CPQ: variants seen among roughly 807,000 people sequenced by gnomAD.
CPQ encodes the protein carboxypeptidase Q.
In CPQ, 37 loss-of-function variants were observed where a neutral mutation model predicts 45.7. That is an observed-to-expected ratio of 0.81 (90% confidence interval 0.62 to 1.07). CPQ has a LOEUF of 1.07. Ranked by LOEUF, CPQ falls within the 50% of genes least tolerant of loss-of-function variation. CPQ has a pLI of 0.00. For synonymous variants in CPQ, 186 were observed against 205.8 expected (o/e 0.90, Z 0.82); for missense variants, 537 against 572.9 (o/e 0.94, Z 0.64).
intron 1 of CPQ, among the ~76,000 whole-genome samples, chr8:96,676,595 G>A: frequency 6.6e-6 from 1 of 152,014 alleles, no homozygotes; most frequent in Admixed American, 6.6e-5. Flanking sequence ...CTTGGTTATT[G>A]TGAATAGTGC....
rs377209016 is a variant in CPQ at position 97,034,766 on chromosome 8, CTGTT to C, written c.1053+5273_1053+5276del. Among the ~76,000 whole-genome samples, 676 of 152,268 alleles carry C rather than the reference CTGTT, an allele frequency of 4.4e-3. 6 individuals are homozygous for C. Among genetic ancestry groups the C allele is most frequent in the African/African-American group, 0.016 (650 of 41,540 alleles). ...CTTTGTAACTCCAGATTGGTTATGTCTGTTCTTAAACTTCATATAAATGGAACCA... is the reference window on the plus strand; with the variant it reads ...CTTTGTAACTCCAGATTGGTTATGTCCTTAAACTTCATATAAATGGAACCA... On this transcript the variant is annotated intron_variant, in intron 6 of 7. Coordinates refer to ENST00000220763, the MANE Select transcript of CPQ (RefSeq NM_016134.4).
intron 1 of CPQ, among the ~76,000 whole-genome samples, chr8:96,664,306 A>G (rs1808890576): frequency 6.6e-6 from 1 of 152,220 alleles, no homozygotes. Context: ...GAATGACTCT[A>G]TAGGTAAAGG....
intron 7 of CPQ, among the ~76,000 whole-genome samples, chr8:97,083,831 A>G (rs1320232429): frequency 6.6e-6 from 1 of 152,168 alleles, no homozygotes; most frequent in African/African-American, 2.4e-5. Flanking sequence ...CTCATCCCTA[A>G]TGGTGATGTG....
chr8:96,892,077 A>G (rs1056925348), intron 4 of CPQ, among the ~76,000 whole-genome samples: 1 of 152,192 alleles, frequency 6.6e-6, no homozygotes, highest in East Asian at 1.9e-4. Flanking sequence ...TTCATTTGCT[A>G]ATGAATCCTG....
At chr8:96,985,339 T>C (rs972454029) in intron 5 of CPQ, among the ~76,000 whole-genome samples, 2 of 152,162 alleles carry the variant, frequency 1.3e-5, no homozygotes, top group African/African-American at 4.8e-5. Flanking sequence ...CATTCTATTC[T>C]GTCCTTCTGT....
rs570233879 is a variant in CPQ, at chr8:96,844,002, A to C, written c.641+8822A>C. On this transcript the variant is annotated intron_variant, in intron 3 of 7. Transcript: ENST00000220763. ...TATTCTTGGCTGCTATTTTGCATTC[A>C]TAATTGTAAAATATATATAAACGTT... Among the ~76,000 whole-genome samples, 707 of 152,330 alleles carry C rather than the reference A, an allele frequency of 4.6e-3. 6 individuals carry two copies. Among genetic ancestry groups the C allele is most frequent in the African/African-American group, 0.016 (675 of 41,564 alleles).
chr8:96,975,624 A>G (rs886626534), intron 5 of CPQ, among the ~76,000 whole-genome samples: 2 of 152,188 alleles, frequency 1.3e-5, no homozygotes, highest in Non-Finnish European at 1.5e-5. Context: ...ATCCAACAGC[A>G]TATCAAAAAG....
In CPQ at chr8:97,119,121, G is replaced by A. The variant is rs532645845; in HGVS notation, c.1256-23899G>A. On this transcript the variant is annotated intron_variant, in intron 7 of 7. Coordinates refer to ENST00000220763, the MANE Select transcript of CPQ (RefSeq NM_016134.4). ...AGGAGGGTGGATCACCTGAGGTCAG[G>A]AGTTAAAGACCAGCCTGGCCAACAT... 1.6e-3 allele frequency among the ~76,000 whole-genome samples: 249 copies of A among 152,092 alleles called. 2 individuals carry two copies. The highest frequency in any genetic ancestry group is 5.8e-3 in the South Asian group (28 of 4,814).
At chr8:96,646,821 C>A (rs1261655111) in intron 1 of CPQ, among the ~76,000 whole-genome samples, 1 of 152,178 alleles carries the variant, frequency 6.6e-6, no homozygotes, top group African/African-American at 2.4e-5. Context: ...CCTCCCATAG[C>A]ATTTTGTCTC....
chr8:96,993,711 T>C (rs998802720), intron 5 of CPQ, among the ~76,000 whole-genome samples: 3 of 152,132 alleles, frequency 2.0e-5, no homozygotes, highest in African/African-American at 7.2e-5. Flanking sequence ...ATTTACAATA[T>C]ATTGGTGTAC....
chr8:96,770,715 A>T (rs1445155874), intron 1 of CPQ, among the ~76,000 whole-genome samples: 6 of 144,928 alleles, frequency 4.1e-5, no homozygotes, highest in African/African-American at 7.4e-5. Flanking sequence ...TATATATATT[A>T]TATATATATA....
chr8:96,753,966 T>G (rs1810295886), intron 1 of CPQ, among the ~76,000 whole-genome samples: 1 of 152,030 alleles, frequency 6.6e-6, no homozygotes, highest in Non-Finnish European at 1.5e-5. Flanking sequence ...TTTGTTCTTT[T>G]TTTAAAATAA....
At chr8:96,753,991 T>C (rs1178479172) in intron 1 of CPQ, among the ~76,000 whole-genome samples, 5 of 152,036 alleles carry the variant, frequency 3.3e-5, no homozygotes, top group Non-Finnish European at 5.9e-5. Flanking sequence ...GTCCTCTTAT[T>C]TGACCTAGTG....
intron 3 of CPQ, among the ~76,000 whole-genome samples, chr8:96,840,696 A>T (rs116814186): frequency 0.022 from 3,365 of 152,272 alleles, 136 homozygotes; most frequent in African/African-American, 0.077. Flanking sequence ...GAGGGCATAG[A>T]TGATGGCAAT....
intron 1 of CPQ, among the ~76,000 whole-genome samples, chr8:96,781,146 G>T (rs1347139678): frequency 6.6e-6 from 1 of 152,106 alleles, no homozygotes; most frequent in African/African-American, 2.4e-5. Context: ...TAATAAATTA[G>T]AAAGGTGAAA....
At chr8:96,970,793 G>A (rs1366432211) in intron 5 of CPQ, among the ~76,000 whole-genome samples, 6 of 152,178 alleles carry the variant, frequency 3.9e-5, no homozygotes, top group Admixed American at 3.9e-4. Context: ...TCTATCTCCT[G>A]ACCTCGTGAT....
intron 7 of CPQ, among the ~76,000 whole-genome samples, chr8:97,114,708 A>G (rs988053443): frequency 6.6e-6 from 1 of 152,206 alleles, no homozygotes; most frequent in African/African-American, 2.4e-5. Flanking sequence ...GTGTGGCTGC[A>G]ATAGAGATGT....
chr8:97,032,475 C>T (rs1197065033), intron 6 of CPQ, among the ~76,000 whole-genome samples: 1 of 152,210 alleles, frequency 6.6e-6, no homozygotes, highest in Non-Finnish European at 1.5e-5. Flanking sequence ...GGCATACAGG[C>T]ACTGGCTGAG....
intron 1 of CPQ, among the ~76,000 whole-genome samples, chr8:96,695,767 C>T (rs1005196550): frequency 4.6e-5 from 7 of 151,088 alleles, no homozygotes; most frequent in Admixed American, 1.3e-4. Context: ...GTTAGAATGG[C>T]GATCATTAAA....
Sources: allele counts gnomAD v4.1 joint callset (sites outside exome capture counted in the v4.1 genomes callset), GRCh38; gene constraint gnomAD v4.1.1; transcripts MANE v1.5; gene names NCBI Gene and HGNC (gene_info 2026-07-23, HGNC 2026-07-21).